Variants in RASSF3 observed in about 807,000 individuals in gnomAD.
The protein encoded by RASSF3 is ras association domain-containing protein 3.
RASSF3 carries 19 observed loss-of-function variants against 19.9 expected under a neutral mutation model. The ratio of observed to expected loss-of-function variants is 0.96; its 90% confidence interval spans 0.67 to 1.40. The LOEUF (loss-of-function observed/expected upper bound fraction) is 1.40, where lower values mean the gene tolerates loss of function less well. Ranked by LOEUF, RASSF3 falls within the 40% of genes most tolerant of loss-of-function variation. The probability of loss-of-function intolerance (pLI) is 0.00; values close to 1 mark genes in which losing one functional copy is unlikely to be tolerated. For synonymous variants in RASSF3, 110 were observed against 104.2 expected (o/e 1.06, Z -0.34); for missense variants, 306 against 289.8 (o/e 1.06, Z -0.41).
intron 2 of RASSF3, among the ~76,000 whole-genome samples, chr12:64,687,454 T>C (rs1372001266): frequency 6.6e-6 from 1 of 151,866 alleles, no homozygotes; most frequent in African/African-American, 2.4e-5. Flanking sequence ...ATTTGTTTTT[T>C]TTTGTTTTGT....
chr12:64,675,825 A>G (rs1872877946), intron 1 of RASSF3, among the ~76,000 whole-genome samples: 1 of 152,124 alleles, frequency 6.6e-6, no homozygotes, highest in Admixed American at 6.6e-5. Flanking sequence ...GCACTAAAAA[A>G]GTTGCCCGCT....
At chr12:64,593,912 T>C (rs1869960292) in intron 2 of RASSF3, among the ~76,000 whole-genome samples, 1 of 148,990 alleles carries the variant, frequency 6.7e-6, no homozygotes, top group African/African-American at 2.5e-5. Flanking sequence ...CTCAGGAGGC[T>C]GAGGCAGGAG....
intron 1 of RASSF3, among the ~76,000 whole-genome samples, chr12:64,537,602 C>T (rs1868855010): frequency 6.6e-6 from 1 of 152,220 alleles, no homozygotes. Flanking sequence ...CAACTTCTTA[C>T]TCAACATCTC....
intron 1 of RASSF3, among the ~76,000 whole-genome samples, chr12:64,632,071 A>G (rs561516142): frequency 6.6e-6 from 1 of 152,266 alleles, no homozygotes; most frequent in South Asian, 2.1e-4. Flanking sequence ...AAATGTGTAT[A>G]TAATACAAGA....
At chr12:64,606,580 C>T (rs1224984794), upstream of RASSF3, among the ~76,000 whole-genome samples, 1 of 152,102 alleles carries the variant, frequency 6.6e-6, no homozygotes, top group Non-Finnish European at 1.5e-5. Flanking sequence ...CAGTGATAGC[C>T]AAGGCAGGCA....
upstream of RASSF3, among the ~76,000 whole-genome samples, chr12:64,529,490 T>C (rs557132425): frequency 6.6e-6 from 1 of 152,280 alleles, no homozygotes; most frequent in South Asian, 2.1e-4. Flanking sequence ...CTTAGGAAAG[T>C]AAGCACTCTG....
intron 4 of RASSF3, among the ~76,000 whole-genome samples, 156 bp downstream of exon 4, chr12:64,691,735 G>GAAGAGAGTTGGAGGGCAGGGGGATGGGA (rs1361150017): frequency 2.6e-5 from 1 of 38,888 alleles, no homozygotes; most frequent in South Asian, 7.4e-4. Context: ...GGCAGGGAGA[G>GAAGAGAGTTGGAGGGCAGGGGGATGGGA]GGAGAGGGAT....
downstream of RASSF3, among the ~76,000 whole-genome samples, chr12:64,545,037 AT>A (rs1869028461): frequency 6.6e-6 from 1 of 152,234 alleles, no homozygotes; most frequent in South Asian, 2.1e-4. Flanking sequence ...TTTCTGGCAG[AT>A]TGATGGCTTC....
intron 2 of RASSF3, among the ~76,000 whole-genome samples, chr12:64,600,303 A>G (rs540344352): frequency 7.4e-6 from 1 of 134,678 alleles, no homozygotes; most frequent in Non-Finnish European, 1.5e-5. Flanking sequence ...ACACACAAAC[A>G]CACACAGACA....
intron 1 of RASSF3, among the ~76,000 whole-genome samples, chr12:64,515,756 C>T (rs1315093448): frequency 6.6e-6 from 1 of 152,006 alleles, no homozygotes; most frequent in Admixed American, 6.6e-5. Flanking sequence ...AACTCCTGGG[C>T]TTAAGCAATC....
intron 2 of RASSF3, among the ~76,000 whole-genome samples, chr12:64,600,462 C>T (rs188396293): frequency 9.2e-4 from 140 of 152,262 alleles, no homozygotes; most frequent in African/African-American, 3.1e-3. Flanking sequence ...GGTAAATTTC[C>T]CAACTATTTG....
chr12:64,623,041 G>A (rs547065310), intron 1 of RASSF3, among the ~76,000 whole-genome samples: 16 of 151,896 alleles, frequency 1.1e-4, no homozygotes, highest in African/African-American at 3.9e-4. Context: ...GGCTGGTCTC[G>A]AACCCCTGAC....
At chr12:64,533,166 G>A (rs1868750505), upstream of RASSF3, 1 of 152,298 alleles carries the variant, frequency 6.6e-6, no homozygotes, top group Admixed American at 6.5e-5. Context: ...CCTGCTCCCT[G>A]GTGGGCTCTG....
intron 1 of RASSF3, among the ~76,000 whole-genome samples, chr12:64,627,310 T>G (rs1287685208): frequency 6.6e-6 from 1 of 152,222 alleles, no homozygotes; most frequent in African/African-American, 2.4e-5. Flanking sequence ...GATTTGTGTT[T>G]GGGGACTTGA....
chr12:64,572,855 A>G (rs914137257), intron 2 of RASSF3, among the ~76,000 whole-genome samples: 1 of 152,140 alleles, frequency 6.6e-6, no homozygotes, highest in Non-Finnish European at 1.5e-5. Context: ...TTGAACATCT[A>G]TTTTTGTTAT....
chr12:64,603,270 G>A (rs1870127919), intron 2 of RASSF3, among the ~76,000 whole-genome samples: 1 of 152,086 alleles, frequency 6.6e-6, no homozygotes, highest in Non-Finnish European at 1.5e-5. Flanking sequence ...GAGGGTCTGA[G>A]ATACAAGGTA....
At chr12:64,510,818 C>A (rs2136097559) in intron 1 of RASSF3, among the ~76,000 whole-genome samples, 1 of 152,122 alleles carries the variant, frequency 6.6e-6, no homozygotes, top group South Asian at 2.1e-4. Context: ...GTTGAGGAAC[C>A]CAAGCTATAT....
In RASSF3 at chr12:64,639,182, C is replaced by A. The variant is rs371629453; in HGVS notation, c.111+28439C>A. Among the ~76,000 whole-genome samples, 176 of 152,150 alleles carry A rather than the reference C, an allele frequency of 1.2e-3. 1 individual carries two copies. Among genetic ancestry groups the A allele is most frequent in the African/African-American group, 3.9e-3 (163 of 41,484 alleles). ...TGAAGCTGTAATGGCGCTTTGCATA[C>A]TTGTGGTTTAGGGGGTAAATGGAAT... On this transcript the variant is annotated intron_variant, in intron 1 of 4. Coordinates refer to ENST00000542104, the MANE Select transcript of RASSF3 (RefSeq NM_178169.4).
chr12:64,507,410 C>T, intron 1 of RASSF3: 1 of 397,388 alleles, frequency 2.5e-6, no homozygotes, highest in Non-Finnish European at 4.4e-6. Flanking sequence ...GAGCCTCCCT[C>T]GCATGGGCAG....
Sources: gnomAD v4.1 joint callset for allele counts (sites outside exome capture counted in the v4.1 genomes callset) on GRCh38, gnomAD v4.1.1 for gene constraint, MANE v1.5 for transcripts, NCBI Gene and HGNC (gene_info 2026-07-23, HGNC 2026-07-21) for gene names.